KRR1: variants seen among roughly 807,000 people sequenced by gnomAD.
The protein encoded by KRR1 is KRR1 small subunit processome component, also known as KRR1 small subunit processome component homolog.
KRR1 carries 23 observed loss-of-function variants against 50.0 expected under a neutral mutation model. That is an observed-to-expected ratio of 0.46 (90% CI 0.33 to 0.65). KRR1 has a LOEUF of 0.65. Among genes scored for constraint, KRR1 ranks in the 30% least tolerant of loss-of-function variants. The pLI is 0.02. For missense variants in KRR1, 419 were observed against 442.4 expected, an observed-to-expected ratio of 0.95 and a Z score of 0.47; for synonymous variants, 133 against 146.3, an observed-to-expected ratio of 0.91 and a Z score of 0.66.
At position 75,499,764 on chromosome 12, in the gene KRR1, T is replaced by C; in HGVS notation, c.*45A>G. On this transcript the variant is annotated 3_prime_UTR_variant, in exon 10 of 10. Transcript: ENST00000229214. Reference sequence around the variant, plus strand: ...GCAACTAATGCCTGATATCTCAAAATCCTTTACAAAAGGAGATAGTTCTAG... The same window carrying C: ...GCAACTAATGCCTGATATCTCAAAACCCTTTACAAAAGGAGATAGTTCTAG... The C allele has an allele frequency of 6.8e-7, 1 of 1,471,040 alleles. No homozygotes were observed. The highest frequency in any genetic ancestry group is 9.1e-7 in the Non-Finnish European group (1 of 1,098,088). 91.1% of individuals were successfully genotyped at this position (1,471,040 alleles called of 1,614,324 possible). A position where few individuals can be genotyped will look rare whatever the true frequency, so the allele number is the denominator to read the frequency against.
rs776874637 is a variant in KRR1 at position 75,508,433 on chromosome 12, G to A, written c.99C>T (p.Leu33=). The change falls in exon 2 of 10, where the codon CTC becomes CTT. Residue 33 remains leucine (L), a synonymous_variant. Coordinates refer to ENST00000229214, the MANE Select transcript of KRR1 (RefSeq NM_007043.7). ...CCTTCCAACCATCAGGAACCGTAAG[G>A]AGTTCTGATTCATCTACAGAAAGGA... The part of the protein sequence containing the change: ...PKPENQDESE[L]LTVPDGWKEP... 57 of 1,603,226 alleles carry A rather than the reference G, an allele frequency of 3.6e-5. No individual in the cohort carries two copies. Among genetic ancestry groups the A allele is most frequent in the Admixed American group, 5.3e-5 (3 of 56,934 alleles).
intron 2 of KRR1, among the ~76,000 whole-genome samples, chr12:75,507,699 C>T (rs1202231817): frequency 6.6e-6 from 1 of 151,738 alleles, no homozygotes; most frequent in African/African-American, 2.4e-5. Context: ...AATACATATA[C>T]ACACACACAC....
rs367586880 is a variant in KRR1, at chr12:75,504,078, T to C, written c.661-4A>G. The C allele has an allele frequency of 8.9e-5, 142 of 1,590,332 alleles. No homozygotes were observed. The African/African-American group carries it at 1.5e-3, about 17-fold the overall frequency. On this transcript the variant is annotated splice_polypyrimidine_tract_variant and splice_region_variant and intron_variant, in intron 6 of 9. Coordinates refer to ENST00000229214, the MANE Select transcript of KRR1 (RefSeq NM_007043.7). ...ACTCTCTCTTAATCATTAAGCTCTTTAGTCATGCAACAAAGTAAAAATTTT... is the reference window on the plus strand; with the variant it reads ...ACTCTCTCTTAATCATTAAGCTCTTCAGTCATGCAACAAAGTAAAAATTTT...
chr12:75,494,184 A>G lies in KRR1; in HGVS notation c.*5625T>C, dbSNP rs552491971. 9 of 152,350 alleles carry G rather than the reference A, an allele frequency of 5.9e-5. No individual in the cohort carries two copies. The highest frequency in any genetic ancestry group is 4.6e-4 in the Admixed American group (7 of 15,312). The allele number at this position is 152,350 out of a possible 1,614,324, so 9.4% of individuals were successfully genotyped here. On this transcript the variant is annotated 3_prime_UTR_variant, in exon 10 of 10. Transcript: ENST00000229214. ...TTGGGGTTGGAAATAAGGTATCGTT[A>G]TAAAGTTGTGTGTCTAAGGTGAGAG...
chr12:75,510,890 T>A (rs144018262), intron 1 of KRR1, among the ~76,000 whole-genome samples: 25 of 152,250 alleles, frequency 1.6e-4, no homozygotes, highest in Admixed American at 5.2e-4. Context: ...GTTGAACAGA[T>A]CCCCAGGCTA....
rs1566102103 is a variant in KRR1 at position 75,499,591 on chromosome 12, G to A, written c.*218C>T. On this transcript the variant is annotated 3_prime_UTR_variant, in exon 10 of 10. Coordinates refer to ENST00000229214, the MANE Select transcript of KRR1 (RefSeq NM_007043.7). ...GATTTAATGGATAATCACAATGGTC[G>A]TAATGTATACAAAGACTTATATACC... 1 of 272,706 alleles carries A rather than the reference G, an allele frequency of 3.7e-6. No individual in the cohort carries two copies. The highest frequency in any genetic ancestry group is 2.3e-5 in the African/African-American group (1 of 43,270). 16.9% of individuals were successfully genotyped at this position (272,706 alleles called of 1,614,324 possible). A position where few individuals can be genotyped will look rare whatever the true frequency, so the allele number is the denominator to read the frequency against.
intron 9 of KRR1, chr12:75,501,364 T>C (rs1255796521): frequency 2.2e-5 from 4 of 184,908 alleles, no homozygotes; most frequent in Non-Finnish European, 3.4e-5. Context: ...GAAGAAAAAG[T>C]ACAACTTCTG....
chr12:75,494,394 C>T lies in KRR1; in HGVS notation c.*5415G>A, dbSNP rs1397020023. The T allele has an allele frequency of 1.3e-5, 2 of 152,200 alleles. No individual in the cohort carries two copies. The highest frequency in any genetic ancestry group is 2.9e-5 in the Non-Finnish European group (2 of 68,028). The allele number at this position is 152,200 out of a possible 1,614,324, so 9.4% of individuals were successfully genotyped here. On this transcript the variant is annotated 3_prime_UTR_variant, in exon 10 of 10. Transcript: ENST00000229214. Reference sequence around the variant, plus strand: ...CGTGACTCTGACTTAGCAGTATCATCTTTGTAAATATCAGATATTTTCATA... The same window carrying T: ...CGTGACTCTGACTTAGCAGTATCATTTTTGTAAATATCAGATATTTTCATA...
At chr12:75,504,139 A>C in intron 6 of KRR1, 65 bp from the exon 7 acceptor site, 2 of 1,089,608 alleles carry the variant, frequency 1.8e-6, no homozygotes, top group South Asian at 1.8e-5. Context: ...AGACTCAGAC[A>C]TTATAAATAT....
chr12:75,503,128 T>G lies in KRR1; in HGVS notation c.831+776A>C, dbSNP rs181695428. 4.0e-5 allele frequency: 6 copies of G among 151,784 alleles called. No homozygotes were observed. In the South Asian group the frequency reaches 1.0e-3, roughly 26 times the overall value. 9.4% of individuals were successfully genotyped at this position (151,784 alleles called of 1,614,324 possible). A position where few individuals can be genotyped will look rare whatever the true frequency, so the allele number is the denominator to read the frequency against. The stretch of plus-strand genomic sequence containing the variant: ...GTGAAGATGGAATTCAAAGAACACA[T>G]AGAAGAGGCTGATGCAGGTGGAAGA... On this transcript the variant is annotated intron_variant, in intron 7 of 9. Coordinates refer to ENST00000229214, the MANE Select transcript of KRR1 (RefSeq NM_007043.7).
Position 75,499,587 on chromosome 12 carries a change from G to C in KRR1, c.*222C>G. 3.8e-6 allele frequency: 1 copy of C among 266,122 alleles called. No homozygotes were observed. Among genetic ancestry groups the C allele is most frequent in the Non-Finnish European group, 6.8e-6 (1 of 146,734 alleles). 16.5% of individuals were successfully genotyped at this position (266,122 alleles called of 1,614,324 possible). Reference sequence around the variant, plus strand: ...ACTGGATTTAATGGATAATCACAATGGTCGTAATGTATACAAAGACTTATA... The same window carrying C: ...ACTGGATTTAATGGATAATCACAATCGTCGTAATGTATACAAAGACTTATA... On this transcript the variant is annotated 3_prime_UTR_variant, in exon 10 of 10. Transcript: ENST00000229214.
In KRR1 at chr12:75,501,941, C is replaced by T. The variant is rs146277849; in HGVS notation, c.891G>A (p.Gln297=). 3.7e-5 allele frequency: 60 copies of T among 1,612,610 alleles called. No homozygotes were observed. In the African/African-American group the frequency reaches 6.4e-4, roughly 17 times the overall value. Residue 297 remains glutamine (Q), a synonymous_variant, in exon 8 of 10, where the codon CAG becomes CAA. Coordinates refer to ENST00000229214, the MANE Select transcript of KRR1 (RefSeq NM_007043.7). ...YFLKANQKKR[Q]KMEAIKAKQA... ...GCCGTACCTTTATTGCTTCCATTTTCTGCCGCTTCTTCTGATTTGCCTTCA... is the reference window on the plus strand; with the variant it reads ...GCCGTACCTTTATTGCTTCCATTTTTTGCCGCTTCTTCTGATTTGCCTTCA...
rs940216744 is a variant in KRR1 at position 75,491,189 on chromosome 12, A to C, written c.*8620T>G. The C allele has an allele frequency of 1.3e-5, 2 of 152,240 alleles. No homozygotes were observed. Among genetic ancestry groups the C allele is most frequent in the African/African-American group, 2.4e-5 (1 of 41,456 alleles). The allele number at this position is 152,240 out of a possible 1,614,324, so 9.4% of individuals were successfully genotyped here. On this transcript the variant is annotated 3_prime_UTR_variant, in exon 10 of 10. Coordinates refer to ENST00000229214, the MANE Select transcript of KRR1 (RefSeq NM_007043.7). ...ATAAAAATGATAGATTGTTTATATA[A>C]TGCTTACAATGCTCTCAGCACTGTT...
Position 75,495,461 on chromosome 12 carries a change from T to C in KRR1, c.*4348A>G, listed in dbSNP as rs1355521820. On this transcript the variant is annotated 3_prime_UTR_variant, in exon 10 of 10. Transcript: ENST00000229214. The stretch of plus-strand genomic sequence containing the variant: ...CTGTCTTCACTTCTATTACCAACTC[T>C]CTGGACCTTTGTACTTCACTCCACT... The C allele has an allele frequency of 9.5e-6, 6 of 630,762 alleles. No individual in the cohort carries two copies. The highest frequency in any genetic ancestry group is 1.8e-5 in the Non-Finnish European group (6 of 342,180). The allele number at this position is 630,762 out of a possible 1,614,324, so 39.1% of individuals were successfully genotyped here. A position where few individuals can be genotyped will look rare whatever the true frequency, so the allele number is the denominator to read the frequency against.
chr12:75,498,686 C>T lies in KRR1; in HGVS notation c.*1123G>A. 2 of 1,610,874 alleles carry T rather than the reference C, an allele frequency of 1.2e-6. No individual in the cohort carries two copies. Among genetic ancestry groups the T allele is most frequent in the Non-Finnish European group, 1.7e-6 (2 of 1,177,272 alleles). On this transcript the variant is annotated 3_prime_UTR_variant, in exon 10 of 10. Coordinates refer to ENST00000229214, the MANE Select transcript of KRR1 (RefSeq NM_007043.7). The stretch of plus-strand genomic sequence containing the variant: ...AATTTTTTTTCTTTCTTCCCCCTAA[C>T]TTTACAGTTAACCGACAGCGAGACC...
Position 75,506,616 on chromosome 12 carries a change from C to CAAAAAAAAAAAAAAAAAAAA in KRR1, c.394-8_394-7insTTTTTTTTTTTTTTTTTTTT, listed in dbSNP as rs35071517. ...CCTGAAGAATTCGTACTGCCTTTTG[C>CAAAAAAAAAAAAAAAAAAAA]AAAAAAAAAAAAAAAAAGAAGACAT... On this transcript the variant is annotated splice_polypyrimidine_tract_variant and splice_region_variant and intron_variant, in intron 3 of 9. Transcript: ENST00000229214. The CAAAAAAAAAAAAAAAAAAAA allele has an allele frequency of 2.2e-6, 3 of 1,372,776 alleles. No homozygotes were observed. In the African/African-American group the frequency reaches 5.1e-5, roughly 23 times the overall value. 85.0% of individuals were successfully genotyped at this position (1,372,776 alleles called of 1,614,324 possible). A position where few individuals can be genotyped will look rare whatever the true frequency, so the allele number is the denominator to read the frequency against.
At chr12:75,504,157 A>G in intron 6 of KRR1, 83 bp from the exon 7 acceptor site, 1 of 927,314 alleles carries the variant, frequency 1.1e-6, no homozygotes, top group Non-Finnish European at 1.6e-6. Context: ...TATTGCTTCT[A>G]TAAATAATAA....
At chr12:75,507,021 C>T (rs2046425711) in intron 2 of KRR1, 105 bp from the exon 3 acceptor site, 3 of 890,886 alleles carry the variant, frequency 3.4e-6, no homozygotes, top group Non-Finnish European at 4.9e-6. Context: ...CCTCTCAATT[C>T]CTATCAATTA....
intron 6 of KRR1, 43 bp from the exon 7 acceptor site, chr12:75,504,117 C>A: frequency 7.0e-7 from 1 of 1,437,450 alleles, no homozygotes; most frequent in South Asian, 1.3e-5. Context: ...TTTCCAAAGT[C>A]ACACATTTGT....
Sources: allele counts gnomAD v4.1 joint callset (sites outside exome capture counted in the v4.1 genomes callset), GRCh38; gene constraint gnomAD v4.1.1; transcripts MANE v1.5; gene names NCBI Gene and HGNC (gene_info 2026-07-23, HGNC 2026-07-21).